SERPINF1: variants seen among roughly 807,000 people sequenced by gnomAD.
SERPINF1 encodes serpin family F member 1.
In SERPINF1, 29 loss-of-function variants were observed where a neutral mutation model predicts 37.3. That is an observed-to-expected ratio of 0.78 (90% CI 0.58 to 1.06). The LOEUF (loss-of-function observed/expected upper bound fraction) is 1.06, where lower values mean the gene tolerates loss of function less well. SERPINF1 is among the 50% of genes least tolerant of loss of function. SERPINF1 has a pLI of 0.00. For synonymous variants in SERPINF1, 281 were observed against 227.9 expected (o/e 1.23, Z -2.10); for missense variants, 553 against 532.2 (o/e 1.04, Z -0.38).
intron 5 of SERPINF1, among the ~76,000 whole-genome samples, chr17:1,773,465 C>T (rs544781748): frequency 9.2e-5 from 14 of 152,142 alleles, no homozygotes; most frequent in African/African-American, 2.9e-4. Context: ...AGGCTGTTCT[C>T]GAAAACTCCT....
In SERPINF1 at chr17:1,777,486, G is replaced by T; in HGVS notation, c.*40G>T. 1 of 1,613,334 alleles carries T rather than the reference G, an allele frequency of 6.2e-7. No homozygotes were observed. Among genetic ancestry groups the T allele is most frequent in the South Asian group, 1.1e-5 (1 of 91,006 alleles). ...ATTCCAATACCCTAGAAGAAAACCC[G>T]AGGGACAGCAGATTCCACAGGACAC... On this transcript the variant is annotated 3_prime_UTR_variant, in exon 8 of 8. Coordinates refer to ENST00000254722, the MANE Select transcript of SERPINF1 (RefSeq NM_002615.7).
chr17:1,765,952 G>C (rs1237152495), intron 1 of SERPINF1, among the ~76,000 whole-genome samples: 1 of 152,024 alleles, frequency 6.6e-6, no homozygotes, highest in Non-Finnish European at 1.5e-5. Context: ...GGGAGGAAGA[G>C]CTCTTGAAAG....
intron 1 of SERPINF1, among the ~76,000 whole-genome samples, chr17:1,764,703 CTGATCCACTTTGTTCTGGGAAGTCA>C (rs1907265642): frequency 6.6e-6 from 1 of 152,194 alleles, no homozygotes; most frequent in Non-Finnish European, 1.5e-5. Context: ...CCCAAATTTT[CTGATCCACTTTGTTCTGGGAAGTCA>C]AAAAGTGTGT....
intron 7 of SERPINF1, 133 bp downstream of exon 7, chr17:1,776,875 C>T (rs1243572664): frequency 3.5e-6 from 3 of 848,822 alleles, no homozygotes; most frequent in Admixed American, 2.2e-5. Flanking sequence ...CCTTAATCCT[C>T]ATCGTGCCAG....
chr17:1,765,712 C>A (rs192591493), intron 1 of SERPINF1, among the ~76,000 whole-genome samples: 3 of 152,068 alleles, frequency 2.0e-5, no homozygotes, highest in Admixed American at 2.0e-4. Flanking sequence ...AGCACTGAGA[C>A]CATGTGTGAT....
intron 4 of SERPINF1, 128 bp from the exon 5 acceptor site, chr17:1,771,744 A>G (rs1267859145): frequency 5.0e-5 from 44 of 877,054 alleles, no homozygotes; most frequent in Non-Finnish European, 7.9e-5. Flanking sequence ...GGCAAGTCAC[A>G]GGAAGATGCT....
At chr17:1,777,121 G>A in intron 7 of SERPINF1, 66 bp from the exon 8 acceptor site, 1 of 1,612,810 alleles carries the variant, frequency 6.2e-7, no homozygotes, top group Non-Finnish European at 8.5e-7. Context: ...TGCTTGCAAA[G>A]GGATCCCTTG....
At position 1,764,383 on chromosome 17, in the gene SERPINF1, G is replaced by C. The variant is rs544235625; in HGVS notation, c.-9+2270G>C. 8.5e-5 allele frequency among the ~76,000 whole-genome samples: 13 copies of C among 152,322 alleles called. No homozygotes were observed. The East Asian group carries it at 2.5e-3, about 29-fold the overall frequency. On this transcript the variant is annotated intron_variant, in intron 1 of 7. Transcript: ENST00000254722. ...GCTGGGTGGGGCTGGCCCCAGCCGG[G>C]TGGAGACCAGCTGTAGGCCTGGATG...
In SERPINF1 at chr17:1,771,890, G is replaced by T; in HGVS notation, c.458G>T (p.Ser153Ile). ...TTCTCAGAGCTGCGCATAAAATCCA[G>T]CTTTGTGGCACCTCTGGAAAAGTCA... ...VFEKKLRIKS[S>I]FVAPLEKSYG... The change falls in exon 5 of 8, where the codon AGC becomes ATC. Residue 153 changes from serine (S) to isoleucine (I), a missense_variant. Physicochemically the swap from Ser to Ile is moderately radical, Grantham distance 142. Transcript: ENST00000254722. The T allele has an allele frequency of 4.3e-6, 7 of 1,613,328 alleles. No homozygotes were observed. In the East Asian group the frequency reaches 6.7e-5, roughly 15 times the overall value.
chr17:1,762,783 G>A (rs1162211182), intron 1 of SERPINF1: 1 of 152,316 alleles, frequency 6.6e-6, no homozygotes, highest in Admixed American at 6.6e-5. Context: ...CCACTATTTA[G>A]GCCGGCAGGT....
Position 1,770,964 on chromosome 17 carries a change from G to A in SERPINF1, c.284-65G>A, listed in dbSNP as rs556773160. 1.0e-5 allele frequency: 16 copies of A among 1,600,558 alleles called. No individual in the cohort carries two copies. The African/African-American group carries it at 1.5e-4, about 15-fold the overall frequency. ...AAGATGAGTATAGTGTCTGTGTTCT[G>A]GGAGGGGGCTTGATTTGGGGCCCTG... is the stretch of plus-strand genomic sequence containing the variant. On this transcript the variant is annotated intron_variant, in intron 3 of 7. Transcript: ENST00000254722.
intron 1 of SERPINF1, among the ~76,000 whole-genome samples, chr17:1,765,577 C>G (rs1312154352): frequency 1.3e-5 from 2 of 152,106 alleles, no homozygotes; most frequent in Non-Finnish European, 2.9e-5. Context: ...CTGCCTCAGC[C>G]TCCCAAAGTG....
chr17:1,773,759 T>C (rs1907877366), intron 5 of SERPINF1, among the ~76,000 whole-genome samples: 1 of 152,114 alleles, frequency 6.6e-6, no homozygotes, highest in African/African-American at 2.4e-5. Flanking sequence ...TTCTAGGCTG[T>C]GGTGATGTGT....
rs371828832 is a variant in SERPINF1, at chr17:1,772,065, G to A, written c.633G>A (p.Ala211=). ...TCAGCATTCTCCTTCTCGGTGTGGC[G>A]CACTTCAAGGGTGAGCGCGTCTCCA... ...DEISILLLGV[A]HFKGQWVTKF... The change falls in exon 5 of 8, where the codon GCG becomes GCA. Residue 211 remains alanine (A), a synonymous_variant. Transcript: ENST00000254722. The A allele has an allele frequency of 9.9e-6, 16 of 1,610,960 alleles. No individual in the cohort carries two copies. The highest frequency in any genetic ancestry group is 4.0e-5 in the African/African-American group (3 of 74,114).
intron 5 of SERPINF1, among the ~76,000 whole-genome samples, chr17:1,772,663 A>G (rs936801860): frequency 2.6e-5 from 4 of 151,816 alleles, no homozygotes; most frequent in Admixed American, 2.0e-4. Flanking sequence ...GGTTCACACC[A>G]TTCTCCTGCC....
chr17:1,776,490 G>T lies in SERPINF1; in HGVS notation c.787-42G>T, dbSNP rs78417249. 2.2e-3 allele frequency: 3,490 copies of T among 1,595,012 alleles called. 70 individuals carry two copies. In the African/African-American group the frequency reaches 0.038, roughly 18 times the overall value. The stretch of plus-strand genomic sequence containing the variant: ...CTGGCTGTGTCTGTCCCCGGCTTTT[G>T]GGCTCTGAAGGACTAACCACATGCT... On this transcript the variant is annotated intron_variant, in intron 6 of 7. Transcript: ENST00000254722.
chr17:1,763,314 G>A (rs1283936568), intron 1 of SERPINF1, among the ~76,000 whole-genome samples: 3 of 152,184 alleles, frequency 2.0e-5, no homozygotes, highest in Middle Eastern at 3.2e-3. Flanking sequence ...GAGTTGATCC[G>A]CCTCACGTGG....
In SERPINF1 at chr17:1,769,934, C is replaced by T. The variant is rs76119062; in HGVS notation, c.167C>T (p.Ala56Val). The change falls in exon 3 of 8, where the codon GCG (alanine) becomes GTG (valine). Residue 56 changes from alanine (A) to valine (V), a missense_variant. By Grantham distance (64) the Ala-to-Val change is moderately conservative. Transcript: ENST00000254722. ...AAAGTCCCCGTGAACAAGCTGGCAG[C>T]GGCTGTCTCCAACTTCGGCTATGAC... ...FFKVPVNKLA[A>V]AVSNFGYDLY... The T allele has an allele frequency of 9.3e-6, 15 of 1,614,194 alleles. No homozygotes were observed. The highest frequency in any genetic ancestry group is 1.6e-4 in the Middle Eastern group (1 of 6,062).
At chr17:1,766,798 T>C (rs1215161283) in intron 1 of SERPINF1, 105 bp from the exon 2 acceptor site, 9 of 1,107,650 alleles carry the variant, frequency 8.1e-6, no homozygotes, top group South Asian at 1.3e-5. Context: ...GGAAAGTGAC[T>C]AGCCCTGCCC....
Sources: allele counts gnomAD v4.1 joint callset (sites outside exome capture counted in the v4.1 genomes callset), GRCh38; gene constraint gnomAD v4.1.1; transcripts MANE v1.5; gene names NCBI Gene and HGNC (gene_info 2026-07-23, HGNC 2026-07-21).